The following DISP1 variants were observed in gnomAD, a reference collection of about 807,000 sequenced individuals.
DISP1 encodes the protein protein dispatched homolog 1.
A neutral mutation model predicts 37.3 loss-of-function variants in DISP1; 30 were observed. That is an observed-to-expected ratio of 0.80 (90% CI 0.60 to 1.09). The LOEUF (loss-of-function observed/expected upper bound fraction) is 1.09. Among genes scored for constraint, DISP1 ranks in the 50% least tolerant of loss-of-function variants. The pLI, the probability that DISP1 is intolerant of heterozygous loss-of-function variation, is 0.00. For synonymous variants in DISP1, 634 were observed against 690.2 expected (o/e 0.92, Z 1.28); for missense variants, 1,598 against 1,879.5 (o/e 0.85, Z 2.77).
chr1:222,959,596 A>T (rs1453475187), intron 3 of DISP1, among the ~76,000 whole-genome samples: 1 of 151,386 alleles, frequency 6.6e-6, no homozygotes, highest in Admixed American at 6.6e-5. Flanking sequence ...GCTACTCAGG[A>T]GGCTGAGGCA....
chr1:222,839,887 T>G (rs1198259512), intron 1 of DISP1, among the ~76,000 whole-genome samples: 1 of 151,656 alleles, frequency 6.6e-6, no homozygotes, highest in African/African-American at 2.4e-5. Context: ...GAGCTGAGAT[T>G]GTGCCACTGC....
At chr1:222,829,621 A>T (rs1049966754) in intron 1 of DISP1, among the ~76,000 whole-genome samples, 1 of 152,010 alleles carries the variant, frequency 6.6e-6, no homozygotes, top group Non-Finnish European at 1.5e-5. Context: ...TTGTATTTTT[A>T]GTAGAGATGG....
At chr1:222,857,905 T>C (rs1668639395) in intron 1 of DISP1, among the ~76,000 whole-genome samples, 1 of 152,216 alleles carries the variant, frequency 6.6e-6, no homozygotes, top group African/African-American at 2.4e-5. Context: ...ACCATTGATA[T>C]TCTTCACAGA....
At chr1:222,884,451 T>G (rs960732706) in intron 1 of DISP1, among the ~76,000 whole-genome samples, 3 of 152,214 alleles carry the variant, frequency 2.0e-5, no homozygotes, top group African/African-American at 7.2e-5. Flanking sequence ...TAATGTGTGA[T>G]AGTTCTCCAG....
chr1:222,823,074 T>C (rs1334419865), intron 1 of DISP1, among the ~76,000 whole-genome samples: 2 of 152,202 alleles, frequency 1.3e-5, no homozygotes, highest in Non-Finnish European at 2.9e-5. Context: ...TTGTACACTG[T>C]TGGTGGGAAT....
chr1:222,857,164 G>T (rs907036580), intron 1 of DISP1, among the ~76,000 whole-genome samples: 3 of 152,130 alleles, frequency 2.0e-5, no homozygotes, highest in Admixed American at 1.3e-4. Flanking sequence ...GGCTGAGGTG[G>T]GAGGATCCCT....
At chr1:222,939,586 T>G (rs1674227302) in intron 2 of DISP1, among the ~76,000 whole-genome samples, 1 of 151,364 alleles carries the variant, frequency 6.6e-6, no homozygotes, top group African/African-American at 2.4e-5. Context: ...CCCAGCACTT[T>G]GGGAGGTCGA....
chr1:222,991,617 C>A lies in DISP1; in HGVS notation c.761C>A (p.Pro254His). 1 of 1,613,378 alleles carries A rather than the reference C, an allele frequency of 6.2e-7. No homozygotes were observed. Among genetic ancestry groups the A allele is most frequent in the Non-Finnish European group, 8.5e-7 (1 of 1,179,536 alleles). Residue 254 changes from proline to histidine, a missense_variant, in exon 6 of 9, where the codon CCC becomes CAC. Coordinates refer to ENST00000675850, the MANE Select transcript of DISP1 (RefSeq NM_001377229.1). ...TGYKATLANY[P>H]FKYADEQAKS... ...TACAAAGCAACATTAGCAAATTATC[C>A]CTTTAAATATGCAGATGAACAAGCC...
At chr1:222,838,107 AAGAT>A (rs1667358862) in intron 1 of DISP1, among the ~76,000 whole-genome samples, 1 of 152,072 alleles carries the variant, frequency 6.6e-6, no homozygotes, top group Non-Finnish European at 1.5e-5. Context: ...AAGGCAAAGG[AAGAT>A]TTAGCTTTTT....
chr1:222,962,829 G>A (rs1334099624), intron 3 of DISP1, among the ~76,000 whole-genome samples: 3 of 152,172 alleles, frequency 2.0e-5, no homozygotes, highest in Admixed American at 6.5e-5. Context: ...AAAAACCCTA[G>A]AAGGAAACCT....
chr1:222,926,691 G>T (rs1572525518), intron 1 of DISP1, among the ~76,000 whole-genome samples: 1 of 152,176 alleles, frequency 6.6e-6, no homozygotes, highest in African/African-American at 2.4e-5. Context: ...ACCTAACCAG[G>T]TATATTTTCT....
chr1:222,984,421 A>ATATATATATATATATAT (rs796974033), intron 4 of DISP1, among the ~76,000 whole-genome samples: 1 of 105,796 alleles, frequency 9.5e-6, no homozygotes, highest in African/African-American at 3.9e-5. Flanking sequence ...AAAAAAAAAA[A>ATATATATATATATATAT]ATATATATAT....
At chr1:222,913,980 T>C (rs1672355909) in intron 1 of DISP1, among the ~76,000 whole-genome samples, 1 of 149,830 alleles carries the variant, frequency 6.7e-6, no homozygotes, top group African/African-American at 2.5e-5. Context: ...TAACTCATAC[T>C]GTTATATGTG....
At position 222,887,494 on chromosome 1, in the gene DISP1, T is replaced by G. The variant is rs574224596; in HGVS notation, c.-158-40936T>G. 5.8e-4 allele frequency among the ~76,000 whole-genome samples: 70 copies of G among 121,048 alleles called. 7 individuals carry two copies. Among genetic ancestry groups the G allele is most frequent in the East Asian group, 3.2e-3 (15 of 4,704 alleles). The allele number at this position is 121,048 out of a possible 152,430, so 79.4% of individuals were successfully genotyped here. A position where few individuals can be genotyped will look rare whatever the true frequency, so the allele number is the denominator to read the frequency against. ...AATGTCACATTGTTTTTGTTTTTTT[T>G]TTTTTTTTTTTTTTTGAGACGGAGT... On this transcript the variant is annotated intron_variant, in intron 1 of 8. Transcript: ENST00000675850.
At chr1:222,867,903 C>A (rs1242414574) in intron 1 of DISP1, among the ~76,000 whole-genome samples, 1 of 151,878 alleles carries the variant, frequency 6.6e-6, no homozygotes, top group African/African-American at 2.4e-5. Flanking sequence ...AATGCTTAGG[C>A]CAGTTGGTTG....
At chr1:222,842,288 A>G (rs999884133) in intron 1 of DISP1, among the ~76,000 whole-genome samples, 2 of 150,430 alleles carry the variant, frequency 1.3e-5, no homozygotes, top group Non-Finnish European at 3.0e-5. Context: ...TCACGGAGGC[A>G]TCTGTTAAAT....
intron 1 of DISP1, among the ~76,000 whole-genome samples, chr1:222,906,761 C>T (rs1164197166): frequency 6.6e-6 from 1 of 152,246 alleles, no homozygotes; most frequent in East Asian, 1.9e-4. Context: ...ACCAGCAGCC[C>T]TCTGGGCTCC....
intron 1 of DISP1, among the ~76,000 whole-genome samples, chr1:222,889,611 A>G (rs1007374193): frequency 2.0e-5 from 3 of 151,426 alleles, no homozygotes; most frequent in South Asian, 2.1e-4. Flanking sequence ...CATGAACTAT[A>G]TATGCCTTGG....
chr1:222,992,750 G>C (rs1416128300), intron 7 of DISP1, among the ~76,000 whole-genome samples: 1 of 152,074 alleles, frequency 6.6e-6, no homozygotes, highest in Admixed American at 6.6e-5. Flanking sequence ...GGAACACTAA[G>C]GAACATCTGC....
Sources: allele counts gnomAD v4.1 joint callset (sites outside exome capture counted in the v4.1 genomes callset), GRCh38; gene constraint gnomAD v4.1.1; transcripts MANE v1.5; gene names NCBI Gene and HGNC (gene_info 2026-07-23, HGNC 2026-07-21).